Variants in OPRM1 observed in about 807,000 individuals in gnomAD.
OPRM1 encodes the protein opioid receptor mu 1.
Under a neutral mutation model 31.8 loss-of-function variants are expected in OPRM1, and 27 were observed. That is an observed-to-expected ratio of 0.85 (90% CI 0.63 to 1.17). The LOEUF (loss-of-function observed/expected upper bound fraction) is 1.17. Among genes scored for constraint, OPRM1 ranks in the 50% most tolerant of loss-of-function variants. OPRM1 has a pLI of 0.00. For synonymous variants in OPRM1, 196 were observed against 189.9 expected (o/e 1.03, Z -0.26); for missense variants, 536 against 511.1 (o/e 1.05, Z -0.47).
chr6:154,217,331 G>A (rs374542359), intron 3 of OPRM1: 3 of 152,264 alleles, frequency 2.0e-5, no homozygotes, highest in Non-Finnish European at 4.4e-5. Context: ...CAGAGCTCAT[G>A]GTCAGATGAA....
At chr6:154,086,328 C>A (rs957241184) in intron 1 of OPRM1, among the ~76,000 whole-genome samples, 1 of 152,114 alleles carries the variant, frequency 6.6e-6, no homozygotes, top group Non-Finnish European at 1.5e-5. Context: ...TGCTGGCTAT[C>A]TTTAGAGGAA....
intron 1 of OPRM1, among the ~76,000 whole-genome samples, chr6:154,064,813 A>G (rs1404410989): frequency 6.6e-6 from 1 of 152,104 alleles, no homozygotes; most frequent in Non-Finnish European, 1.5e-5. Context: ...GCAAGGGTTT[A>G]TTTCTGGGAT....
At chr6:154,135,484 G>GATATAGATATAGAT (rs1554283097), downstream of OPRM1, among the ~76,000 whole-genome samples, 4 of 144,366 alleles carry the variant, frequency 2.8e-5, no homozygotes, top group Non-Finnish European at 6.0e-5. Context: ...AAAATATATA[G>GATATAGATATAGAT]ATAGATATAG....
intron 3 of OPRM1, chr6:154,094,258 C>A (rs1278292570): frequency 1.6e-6 from 2 of 1,277,976 alleles, no homozygotes; most frequent in African/African-American, 3.0e-5. Flanking sequence ...ATTCTGACAA[C>A]TGTCCACTGA....
intron 3 of OPRM1, among the ~76,000 whole-genome samples, chr6:154,215,489 C>T (rs754943478): frequency 1.3e-4 from 20 of 151,964 alleles, no homozygotes; most frequent in Non-Finnish European, 2.8e-4. Context: ...GCCTGTAATC[C>T]CAGCTACTCG....
chr6:154,204,968 C>G (rs1222667658), intron 3 of OPRM1, among the ~76,000 whole-genome samples: 1 of 152,214 alleles, frequency 6.6e-6, no homozygotes, highest in Non-Finnish European at 1.5e-5. Flanking sequence ...ATCACCACAT[C>G]TCTGGTCCCT....
chr6:154,098,555 TTCTACC>T (rs1435547583), intron 3 of OPRM1, among the ~76,000 whole-genome samples: 2 of 152,232 alleles, frequency 1.3e-5, no homozygotes, highest in African/African-American at 2.4e-5. Flanking sequence ...TTATTTTTAC[TTCTACC>T]TCTATGATTT....
chr6:154,118,605 G>A (rs11575857), intron 3 of OPRM1, 78 bp from the exon 4 acceptor site: 7 of 1,408,052 alleles, frequency 5.0e-6, no homozygotes, highest in East Asian at 4.6e-5. Context: ...CAGTTCTTAC[G>A]AGCAGAAGAT....
intron 3 of OPRM1, among the ~76,000 whole-genome samples, chr6:154,100,303 A>ATATATATTATCATATTATGACATAT (rs1583546830): frequency 4.8e-4 from 71 of 148,862 alleles, no homozygotes; most frequent in South Asian, 1.0e-3. Context: ...ATATATCAAA[A>ATATATATTATCATATTATGACATAT]AGTCACAGAG....
intron 3 of OPRM1, among the ~76,000 whole-genome samples, chr6:154,246,295 G>A (rs918497007): frequency 7.2e-5 from 11 of 152,106 alleles, no homozygotes; most frequent in South Asian, 6.2e-4. Context: ...AGAATCCCTC[G>A]TGGAATAGTA....
chr6:154,127,870 C>G lies in OPRM1; in HGVS notation c.*9149C>G, dbSNP rs1035555745. ...CTTTGGCTGTAATACAATTTGTTCC[C>G]GTCTGCCCCCAGGCTCACCCAGTGC... is the stretch of plus-strand genomic sequence containing the variant. On this transcript the variant is annotated 3_prime_UTR_variant, in exon 4 of 4. Coordinates refer to ENST00000330432, the MANE Select transcript of OPRM1 (RefSeq NM_000914.5). Among the ~76,000 whole-genome samples, 4 of 152,040 alleles carry G rather than the reference C, an allele frequency of 2.6e-5. No individual in the cohort carries two copies. Among genetic ancestry groups the G allele is most frequent in the African/African-American group, 9.7e-5 (4 of 41,364 alleles).
chr6:154,118,560 C>A, intron 3 of OPRM1, 123 bp from the exon 4 acceptor site: 5 of 812,562 alleles, frequency 6.2e-6, no homozygotes, highest in Admixed American at 2.2e-5. Context: ...AAAACTGAGG[C>A]TTGCAGGTGA....
Position 154,132,288 on chromosome 6 carries a change from G to A in OPRM1, c.*13567G>A, listed in dbSNP as rs1405996193. Among the ~76,000 whole-genome samples, 2 of 152,112 alleles carry A rather than the reference G, an allele frequency of 1.3e-5. No homozygotes were observed. Among genetic ancestry groups the A allele is most frequent in the Non-Finnish European group, 2.9e-5 (2 of 68,016 alleles). On this transcript the variant is annotated 3_prime_UTR_variant, in exon 4 of 4. Coordinates refer to ENST00000330432, the MANE Select transcript of OPRM1 (RefSeq NM_000914.5). ...ATACATAAACATATTAGGCTGTATT[G>A]TAAGTTTCCTGCATGTAATATGTAA... is the stretch of plus-strand genomic sequence containing the variant.
At chr6:154,042,903 A>T (rs1222517045) in intron 1 of OPRM1, among the ~76,000 whole-genome samples, 5 of 152,224 alleles carry the variant, frequency 3.3e-5, no homozygotes, top group Non-Finnish European at 4.4e-5. Context: ...AAATGGGATG[A>T]TAGTATTTCA....
intron 3 of OPRM1, among the ~76,000 whole-genome samples, chr6:154,164,508 G>A (rs73789358): frequency 0.042 from 6,411 of 152,274 alleles, 432 homozygotes; most frequent in African/African-American, 0.14. Flanking sequence ...CCTGGATGGC[G>A]CATGAGGCTT....
chr6:154,018,800 G>A (rs2128379649), intron 1 of OPRM1, among the ~76,000 whole-genome samples: 1 of 152,130 alleles, frequency 6.6e-6, no homozygotes, highest in African/African-American at 2.4e-5. Context: ...GTTCTATTTG[G>A]GTTCAAGGCC....
chr6:154,245,497 A>C (rs1026908890), intron 3 of OPRM1, among the ~76,000 whole-genome samples: 2 of 152,222 alleles, frequency 1.3e-5, no homozygotes, highest in Non-Finnish European at 2.9e-5. Context: ...ATTAGTGGCC[A>C]GTGAATGTAA....
intron 3 of OPRM1, among the ~76,000 whole-genome samples, chr6:154,139,724 C>A: frequency 6.6e-6 from 1 of 152,124 alleles, no homozygotes; most frequent in East Asian, 1.9e-4. Context: ...TTCAGAGGAG[C>A]AATCAGAGTG....
intron 3 of OPRM1, among the ~76,000 whole-genome samples, chr6:154,114,385 G>C (rs1253277074): frequency 6.6e-6 from 1 of 151,884 alleles, no homozygotes; most frequent in African/African-American, 2.4e-5. Flanking sequence ...ATTTTATTAA[G>C]GCCTTTCAAT....
Sources: gnomAD v4.1 joint callset for allele counts (sites outside exome capture counted in the v4.1 genomes callset) on GRCh38, gnomAD v4.1.1 for gene constraint, MANE v1.5 for transcripts, NCBI Gene and HGNC (gene_info 2026-07-23, HGNC 2026-07-21) for gene names.